The following MAPK6 variants were observed in gnomAD, a reference collection of about 807,000 sequenced individuals.
MAPK6 encodes ERK-3.
Under a neutral mutation model 59.3 loss-of-function variants are expected in MAPK6, and 19 were observed. The observed-to-expected ratio is 0.32, with a 90% CI of 0.22 to 0.47. The LOEUF (loss-of-function observed/expected upper bound fraction) is 0.47. Among genes scored for constraint, MAPK6 ranks in the 20% least tolerant of loss-of-function variants. The probability of loss-of-function intolerance (pLI) is 1.00; values close to 1 mark genes in which losing one functional copy is unlikely to be tolerated. For missense variants in MAPK6, 724 were observed against 847.9 expected, an observed-to-expected ratio of 0.85 and a Z score of 1.81; for synonymous variants, 316 against 290.3, an observed-to-expected ratio of 1.09 and a Z score of -0.90.
intron 1 of MAPK6, among the ~76,000 whole-genome samples, chr15:52,026,827 G>A (rs940689470): frequency 2.0e-5 from 3 of 151,374 alleles, no homozygotes; most frequent in Admixed American, 6.6e-5. Flanking sequence ...CGAGGCAGGC[G>A]GATCACAAAG....
At chr15:52,014,483 A>G (rs2030175841), upstream of MAPK6, among the ~76,000 whole-genome samples, 1 of 152,140 alleles carries the variant, frequency 6.6e-6, no homozygotes, top group Non-Finnish European at 1.5e-5. Flanking sequence ...GGCCTGAGGC[A>G]GGAGGATCAC....
intron 2 of MAPK6, among the ~76,000 whole-genome samples, chr15:51,992,710 A>G (rs554829008): frequency 6.6e-6 from 1 of 152,204 alleles, no homozygotes; most frequent in South Asian, 2.1e-4. Flanking sequence ...CTTGGGTTCA[A>G]TTAGTTTGCT....
chr15:52,027,119 C>T (rs892682005), intron 1 of MAPK6, among the ~76,000 whole-genome samples: 2 of 151,538 alleles, frequency 1.3e-5, no homozygotes, highest in African/African-American at 4.9e-5. Context: ...TTTGGGAGGC[C>T]GAGGCGGGCG....
At chr15:51,977,143 C>T (rs62015191) in intron 1 of MAPK6, among the ~76,000 whole-genome samples, 1 of 151,132 alleles carries the variant, frequency 6.6e-6, no homozygotes, top group Non-Finnish European at 1.5e-5. Context: ...GCTGGGATTA[C>T]AGGTGCACAC....
At chr15:52,016,070 G>GCGCGCGCGCACACA, upstream of MAPK6, among the ~76,000 whole-genome samples, 589 of 55,412 alleles carry the variant, frequency 0.011, 13 homozygotes, top group Non-Finnish European at 0.014. Context: ...GCGCGCGCGC[G>GCGCGCGCGCACACA]CACACACACA....
intron 2 of MAPK6, among the ~76,000 whole-genome samples, chr15:51,989,725 A>T (rs1200834043): frequency 1.3e-5 from 2 of 151,968 alleles, no homozygotes; most frequent in Non-Finnish European, 2.9e-5. Flanking sequence ...TCAGTCTCCC[A>T]ACTAGCTAGG....
intron 1 of MAPK6, among the ~76,000 whole-genome samples, chr15:52,021,288 G>A (rs1171089320): frequency 6.6e-6 from 1 of 151,758 alleles, no homozygotes; most frequent in Admixed American, 6.6e-5. Flanking sequence ...GGTCGGGTAG[G>A]AGGAAGCTTA....
chr15:52,024,890 T>C (rs1371830812), intron 1 of MAPK6, among the ~76,000 whole-genome samples: 1 of 146,578 alleles, frequency 6.8e-6, no homozygotes, highest in East Asian at 2.0e-4. Flanking sequence ...TTTTTTTTTT[T>C]TTTTTTTTTT....
intron 1 of MAPK6, among the ~76,000 whole-genome samples, chr15:52,038,826 T>A (rs2141891989): frequency 6.6e-6 from 1 of 152,302 alleles, no homozygotes; most frequent in East Asian, 1.9e-4. Flanking sequence ...GGGATTATAT[T>A]TGTTTAGTAT....
intron 2 of MAPK6, among the ~76,000 whole-genome samples, chr15:51,998,444 A>G (rs112446008): frequency 0.034 from 5,060 of 149,630 alleles, 279 homozygotes; most frequent in African/African-American, 0.12. Flanking sequence ...ACCTCAGGTG[A>G]TCCACCGGCC....
At chr15:52,062,255 G>T (rs1005008198) in intron 5 of MAPK6, among the ~76,000 whole-genome samples, 9 of 151,676 alleles carry the variant, frequency 5.9e-5, no homozygotes, top group African/African-American at 2.2e-4. Flanking sequence ...TCGAACTCCT[G>T]ACCTCAGGTG....
In MAPK6 at chr15:52,066,774, G is replaced by GTC. The variant is rs1281173016; in HGVS notation, c.*1775_*1776insCT. 1.0e-4 allele frequency: 11 copies of GTC among 105,646 alleles called. 1 individual carries two copies. In the Admixed American group the frequency reaches 1.2e-3, roughly 12 times the overall value. The allele number at this position is 105,646 out of a possible 1,614,324, so 6.5% of individuals were successfully genotyped here. A position where few individuals can be genotyped will look rare whatever the true frequency, so the allele number is the denominator to read the frequency against. ...GCCATATATATACACGTGTGTGTGTGTGTGTGTGTGTGTGTGTGTATATAT... is the reference window on the plus strand; with the variant it reads ...GCCATATATATACACGTGTGTGTGTGTCTGTGTGTGTGTGTGTGTGTATATAT... On this transcript the variant is annotated 3_prime_UTR_variant, in exon 6 of 6. Transcript: ENST00000261845.
At chr15:51,991,410 T>C (rs1004532339) in intron 2 of MAPK6, among the ~76,000 whole-genome samples, 1 of 152,078 alleles carries the variant, frequency 6.6e-6, no homozygotes, top group Admixed American at 6.6e-5. Flanking sequence ...AAAATTTAGG[T>C]CTCATGCCAG....
intron 1 of MAPK6, chr15:52,033,951 C>T (rs2031142404): frequency 6.6e-6 from 1 of 151,540 alleles, no homozygotes; most frequent in African/African-American, 2.4e-5. Context: ...TCTCTTTTCC[C>T]TGGTTGCTTT....
In MAPK6 at chr15:52,046,863, C is replaced by T; in HGVS notation, c.403C>T (p.Gln135Ter). 1 of 1,614,074 alleles carries T rather than the reference C, an allele frequency of 6.2e-7. No individual in the cohort carries two copies. The highest frequency in any genetic ancestry group is 8.5e-7 in the Non-Finnish European group (1 of 1,180,004). ...AGAGCATGCCAGGCTTTTCATGTATCAGCTGCTACGGGGGCTCAAGTATAT... is the reference window on the plus strand; with the variant it reads ...AGAGCATGCCAGGCTTTTCATGTATTAGCTGCTACGGGGGCTCAAGTATAT... ...LEEHARLFMYQLLRGLKYIHS... is the reference protein window; with the variant it reads ...LEEHARLFMY The change falls in exon 2 of 6, where the codon CAG (glutamine) becomes TAG (stop). Residue 135 changes from glutamine to a stop codon, truncating the protein, a stop_gained. Coordinates refer to ENST00000261845, the MANE Select transcript of MAPK6 (RefSeq NM_002748.4). LOFTEE classifies it high-confidence loss of function.
intron 1 of MAPK6, among the ~76,000 whole-genome samples, chr15:52,025,143 A>G (rs1038249002): frequency 1.3e-5 from 2 of 152,126 alleles, no homozygotes; most frequent in African/African-American, 4.8e-5. Context: ...TATGAGGCTG[A>G]GATGAGAGGA....
At position 52,065,454 on chromosome 15, in the gene MAPK6, A is replaced by AAATG. The variant is rs1250736882; in HGVS notation, c.*459_*462dup. On this transcript the variant is annotated 3_prime_UTR_variant, in exon 6 of 6. Transcript: ENST00000261845. ...AACACATGATACCAGCAGCAACTGAAAATGAATGCCGAATTTGGTACACAT... is the reference window on the plus strand; with the variant it reads ...AACACATGATACCAGCAGCAACTGAAAATGAATGAATGCCGAATTTGGTACACAT... The AAATG allele has an allele frequency of 1.3e-5, 2 of 153,546 alleles. No individual in the cohort carries two copies. The highest frequency in any genetic ancestry group is 4.8e-5 in the African/African-American group (2 of 41,482). The allele number at this position is 153,546 out of a possible 1,614,324, so 9.5% of individuals were successfully genotyped here. A position where few individuals can be genotyped will look rare whatever the true frequency, so the allele number is the denominator to read the frequency against.
At chr15:52,056,213 C>T (rs964718890) in intron 3 of MAPK6, among the ~76,000 whole-genome samples, 2 of 152,188 alleles carry the variant, frequency 1.3e-5, no homozygotes, top group African/African-American at 4.8e-5. Context: ...GTTCCTGTCC[C>T]AGGTTAACAC....
chr15:52,021,085 A>G (rs1414361416), intron 1 of MAPK6, among the ~76,000 whole-genome samples: 2 of 152,234 alleles, frequency 1.3e-5, no homozygotes. Flanking sequence ...ACTTTCTGTT[A>G]TTAAAAAATC....
Sources: gnomAD v4.1 joint callset for allele counts (sites outside exome capture counted in the v4.1 genomes callset) on GRCh38, gnomAD v4.1.1 for gene constraint, MANE v1.5 for transcripts, NCBI Gene and HGNC (gene_info 2026-07-23, HGNC 2026-07-21) for gene names.